Variants in SEMA3C observed in about 807,000 individuals in gnomAD.
The protein encoded by SEMA3C is semaphorin 3C, also known as semaphorin-3C.
SEMA3C carries 47 observed loss-of-function variants against 89.4 expected under a neutral mutation model. That is an observed-to-expected ratio of 0.53 (90% confidence interval 0.42 to 0.67). The LOEUF is 0.67. Among genes scored for constraint, SEMA3C ranks in the 30% least tolerant of loss-of-function variants. The probability of loss-of-function intolerance (pLI) is 0.00; values close to 1 mark genes in which losing one functional copy is unlikely to be tolerated. For synonymous variants in SEMA3C, 310 were observed against 320.2 expected (o/e 0.97, Z 0.34); for missense variants, 839 against 929.1 (o/e 0.90, Z 1.26).
In SEMA3C at chr7:80,744,694, T is replaced by C; in HGVS notation, c.*200A>G. 1.6e-6 allele frequency: 1 copy of C among 607,166 alleles called. No individual in the cohort carries two copies. The highest frequency in any genetic ancestry group is 2.9e-6 in the Non-Finnish European group (1 of 343,692). 37.6% of individuals were successfully genotyped at this position (607,166 alleles called of 1,614,324 possible). A position where few individuals can be genotyped will look rare whatever the true frequency, so the allele number is the denominator to read the frequency against. Reference sequence around the variant, plus strand: ...AAGTTAAATATATTTATATGCACCATGAGGACCATGACATGTCTAGTGCTA... The same window carrying C: ...AAGTTAAATATATTTATATGCACCACGAGGACCATGACATGTCTAGTGCTA... On this transcript the variant is annotated 3_prime_UTR_variant, in exon 18 of 18. Coordinates refer to ENST00000265361, the MANE Select transcript of SEMA3C (RefSeq NM_006379.5).
chr7:80,823,554 T>C (rs917073677), intron 4 of SEMA3C, among the ~76,000 whole-genome samples: 10 of 152,156 alleles, frequency 6.6e-5, no homozygotes, highest in Admixed American at 3.9e-4. Context: ...AAATACTTCA[T>C]ACTTTCTTCT....
At chr7:80,903,402 T>C (rs916610425) in intron 2 of SEMA3C, among the ~76,000 whole-genome samples, 2 of 152,204 alleles carry the variant, frequency 1.3e-5, no homozygotes, top group African/African-American at 4.8e-5. Context: ...GGCTCACGCC[T>C]GTAATCCCAG....
chr7:80,879,065 A>C (rs1336414301), intron 2 of SEMA3C, among the ~76,000 whole-genome samples: 1 of 152,136 alleles, frequency 6.6e-6, no homozygotes, highest in Non-Finnish European at 1.5e-5. Flanking sequence ...GGTAGTGGTG[A>C]AGAACCCCAA....
chr7:80,797,774 C>A, intron 11 of SEMA3C, among the ~76,000 whole-genome samples: 1 of 152,132 alleles, frequency 6.6e-6, no homozygotes, highest in East Asian at 1.9e-4. Flanking sequence ...CCAAGGCGGG[C>A]GGATCACGAG....
intron 2 of SEMA3C, among the ~76,000 whole-genome samples, chr7:80,880,441 T>C (rs1394024435): frequency 6.6e-6 from 1 of 152,208 alleles, no homozygotes; most frequent in African/African-American, 2.4e-5. Context: ...TAAGTATCTG[T>C]TAAATGAATG....
At chr7:80,775,817 A>C (rs1788535921) in intron 12 of SEMA3C, among the ~76,000 whole-genome samples, 1 of 152,172 alleles carries the variant, frequency 6.6e-6, no homozygotes, top group Non-Finnish European at 1.5e-5. Context: ...TCCTATTCAA[A>C]TACTTCTGAG....
At chr7:80,845,180 C>A (rs1790360924) in intron 2 of SEMA3C, among the ~76,000 whole-genome samples, 1 of 152,042 alleles carries the variant, frequency 6.6e-6, no homozygotes. Flanking sequence ...CCCTACTGTT[C>A]CCTCACGCAG....
At chr7:80,811,603 A>C (rs1463862008) in intron 5 of SEMA3C, among the ~76,000 whole-genome samples, 3 of 152,206 alleles carry the variant, frequency 2.0e-5, no homozygotes, top group Non-Finnish European at 4.4e-5. Flanking sequence ...AAGGAATCTT[A>C]ATTATCAAGC....
chr7:80,784,612 C>T (rs1035202802), intron 12 of SEMA3C, among the ~76,000 whole-genome samples: 6 of 152,006 alleles, frequency 3.9e-5, no homozygotes, highest in Non-Finnish European at 8.8e-5. Context: ...GACAAGCAAA[C>T]TTTTTCTGTA....
chr7:80,885,263 A>G (rs573276931), intron 2 of SEMA3C, among the ~76,000 whole-genome samples: 1 of 152,242 alleles, frequency 6.6e-6, no homozygotes, highest in South Asian at 2.1e-4. Context: ...GCTCTTCTCT[A>G]CATTTTCCCC....
chr7:80,904,687 TG>T (rs1791964413), intron 2 of SEMA3C, among the ~76,000 whole-genome samples: 1 of 152,202 alleles, frequency 6.6e-6, no homozygotes, highest in African/African-American at 2.4e-5. Flanking sequence ...GACACTTTCA[TG>T]TTGTGTAACA....
chr7:80,759,708 T>C (rs940626345), intron 14 of SEMA3C, among the ~76,000 whole-genome samples: 12 of 152,210 alleles, frequency 7.9e-5, no homozygotes, highest in Non-Finnish European at 1.3e-4. Context: ...TTGAATCACA[T>C]CTCACTCTAC....
intron 2 of SEMA3C, among the ~76,000 whole-genome samples, chr7:80,870,130 T>C (rs1482867131): frequency 1.3e-5 from 2 of 152,134 alleles, no homozygotes; most frequent in Non-Finnish European, 2.9e-5. Context: ...CACGGCTTCT[T>C]ACTGTGTGCT....
chr7:80,872,305 C>T (rs187260740), intron 2 of SEMA3C, among the ~76,000 whole-genome samples: 111 of 152,082 alleles, frequency 7.3e-4, no homozygotes, highest in African/African-American at 2.5e-3. Context: ...CACGCACCAC[C>T]GTGTCCAGCC....
chr7:80,755,197 G>T (rs1788037988), intron 15 of SEMA3C, among the ~76,000 whole-genome samples: 1 of 151,412 alleles, frequency 6.6e-6, no homozygotes. Context: ...CTGCATGATA[G>T]ACTCATTTCT....
At chr7:80,825,289 T>G (rs1452228661) in intron 4 of SEMA3C, among the ~76,000 whole-genome samples, 1 of 152,130 alleles carries the variant, frequency 6.6e-6, no homozygotes, top group Non-Finnish European at 1.5e-5. Context: ...AAACATGTAT[T>G]TTTTGATTAG....
At chr7:80,803,179 G>C (rs571863384) in intron 8 of SEMA3C, among the ~76,000 whole-genome samples, 2 of 152,196 alleles carry the variant, frequency 1.3e-5, no homozygotes, top group African/African-American at 4.8e-5. Flanking sequence ...GGTCAGGAGA[G>C]TGATTATATC....
chr7:80,813,879 C>A (rs1025686079), intron 5 of SEMA3C, among the ~76,000 whole-genome samples: 4 of 152,108 alleles, frequency 2.6e-5, no homozygotes, highest in African/African-American at 9.7e-5. Flanking sequence ...TCAATTATTG[C>A]ATTGAAACAC....
At chr7:80,887,514 G>C (rs542676001) in intron 2 of SEMA3C, among the ~76,000 whole-genome samples, 1 of 152,000 alleles carries the variant, frequency 6.6e-6, no homozygotes, top group Non-Finnish European at 1.5e-5. Context: ...TGGATGAATC[G>C]AATCTCCAAA....
Sources: gnomAD v4.1 joint callset for allele counts (sites outside exome capture counted in the v4.1 genomes callset) on GRCh38, gnomAD v4.1.1 for gene constraint, MANE v1.5 for transcripts, NCBI Gene and HGNC (gene_info 2026-07-23, HGNC 2026-07-21) for gene names.